ACAP2: variants seen among roughly 807,000 people sequenced by gnomAD.
ACAP2 encodes the protein arf-GAP with coiled-coil, ANK repeat and PH domain-containing protein 2.
In ACAP2, 39 loss-of-function variants were observed where a neutral mutation model predicts 115.8. That is an observed-to-expected ratio of 0.34 (90% CI 0.26 to 0.44). ACAP2 has a LOEUF of 0.44. Among genes scored for constraint, ACAP2 ranks in the 20% least tolerant of loss-of-function variants. The pLI, the probability that ACAP2 is intolerant of heterozygous loss-of-function variation, is 1.00. For missense variants in ACAP2, 662 were observed against 927.6 expected (o/e 0.71, Z 3.72); for synonymous variants, 289 against 315.8 (o/e 0.92, Z 0.90).
chr3:195,285,899 T>C (rs375935436), intron 21 of ACAP2, 42 bp from the exon 22 acceptor site: 9 of 1,396,030 alleles, frequency 6.4e-6, no homozygotes, highest in African/African-American at 1.5e-5. Context: ...CATTATATAA[T>C]ATAAATGTCA....
At chr3:195,324,139 G>C (rs1258716454) in intron 9 of ACAP2, among the ~76,000 whole-genome samples, 1 of 152,106 alleles carries the variant, frequency 6.6e-6, no homozygotes, top group Non-Finnish European at 1.5e-5. Context: ...GGGAAAATGA[G>C]ATAAAGACTA....
At chr3:195,407,574 G>T (rs1712893024) in intron 1 of ACAP2, among the ~76,000 whole-genome samples, 1 of 152,096 alleles carries the variant, frequency 6.6e-6, no homozygotes, top group African/African-American at 2.4e-5. Flanking sequence ...GGGCATGGTG[G>T]TGCATGCCTA....
chr3:195,331,665 A>C (rs1408541482), intron 8 of ACAP2, among the ~76,000 whole-genome samples: 1 of 152,118 alleles, frequency 6.6e-6, no homozygotes. Flanking sequence ...AAACTGAGAC[A>C]CCTTGAGAAA....
intron 4 of ACAP2, among the ~76,000 whole-genome samples, chr3:195,365,525 C>A (rs1310440937): frequency 6.6e-6 from 1 of 152,010 alleles, no homozygotes; most frequent in Non-Finnish European, 1.5e-5. Flanking sequence ...TATGATCATG[C>A]CCCTGCACTC....
intron 11 of ACAP2, among the ~76,000 whole-genome samples, chr3:195,307,571 A>AT (rs1728502891): frequency 6.6e-6 from 1 of 152,216 alleles, no homozygotes; most frequent in African/African-American, 2.4e-5. Context: ...CCAACACTTG[A>AT]TACTTAGTAG....
At chr3:195,349,577 A>T (rs1731407335) in intron 4 of ACAP2, 2 of 156,782 alleles carry the variant, frequency 1.3e-5, no homozygotes, top group Non-Finnish European at 2.8e-5. Context: ...CACAGTGATG[A>T]CTACAAAACA....
chr3:195,427,176 C>T (rs1029330400), intron 1 of ACAP2, among the ~76,000 whole-genome samples: 1 of 152,090 alleles, frequency 6.6e-6, no homozygotes, highest in Admixed American at 6.6e-5. Flanking sequence ...GGAATATGGG[C>T]AGCCCTTTGA....
intron 1 of ACAP2, among the ~76,000 whole-genome samples, chr3:195,406,035 G>A (rs1382867757): frequency 1.3e-5 from 2 of 152,146 alleles, no homozygotes; most frequent in African/African-American, 2.4e-5. Context: ...AATTTAACAT[G>A]AGATTTGGGC....
chr3:195,300,106 G>C lies in ACAP2; in HGVS notation c.1395+1469C>G, dbSNP rs967147895. ...CTGTTGCCCAGGCCGGAGTGCAGTG[G>C]TGCGATCTCGGCTCACTGCAACCTC... is the stretch of plus-strand genomic sequence containing the variant. On this transcript the variant is annotated intron_variant, in intron 15 of 22. Transcript: ENST00000326793. Among the ~76,000 whole-genome samples the C allele has an allele frequency of 8.0e-5, 12 of 149,520 alleles. No individual in the cohort carries two copies. The East Asian group carries it at 2.4e-3, about 30-fold the overall frequency.
intron 8 of ACAP2, among the ~76,000 whole-genome samples, chr3:195,330,130 G>A (rs554255730): frequency 2.0e-5 from 3 of 152,140 alleles, no homozygotes; most frequent in South Asian, 2.1e-4. Flanking sequence ...CTTGAGCTCC[G>A]CATATATCCA....
intron 8 of ACAP2, 96 bp from the exon 9 acceptor site, chr3:195,327,055 T>A (rs1729843062): frequency 8.7e-7 from 1 of 1,144,930 alleles, no homozygotes; most frequent in African/African-American, 1.6e-5. Flanking sequence ...AAATAAAAAA[T>A]CACTCAATTT....
chr3:195,310,930 T>C (rs551319826), intron 10 of ACAP2, among the ~76,000 whole-genome samples: 2 of 152,222 alleles, frequency 1.3e-5, no homozygotes, highest in South Asian at 2.1e-4. Context: ...ATACTAAGAT[T>C]TGTGTGTCTT....
At chr3:195,366,552 A>G (rs1380299527) in intron 4 of ACAP2, among the ~76,000 whole-genome samples, 2 of 152,230 alleles carry the variant, frequency 1.3e-5, no homozygotes. Flanking sequence ...CAGTCTTGTT[A>G]GAAATGGAGA....
chr3:195,315,754 C>CA (rs1729046419), intron 10 of ACAP2, among the ~76,000 whole-genome samples: 1 of 152,180 alleles, frequency 6.6e-6, no homozygotes, highest in African/African-American at 2.4e-5. Flanking sequence ...GCCTAATTTC[C>CA]AAAGGCATTG....
chr3:195,282,916 T>C (rs1726596781), intron 22 of ACAP2, among the ~76,000 whole-genome samples: 1 of 152,170 alleles, frequency 6.6e-6, no homozygotes, highest in Non-Finnish European at 1.5e-5. Context: ...ATTCAAGAGT[T>C]TGCTAATTTT....
chr3:195,419,305 C>G (rs559318683), intron 1 of ACAP2: 1 of 152,310 alleles, frequency 6.6e-6, no homozygotes, highest in African/African-American at 2.4e-5. Context: ...GGCCTATATG[C>G]AACATTTCAT....
intron 6 of ACAP2, among the ~76,000 whole-genome samples, chr3:195,338,007 G>A (rs1730627087): frequency 6.8e-6 from 1 of 146,906 alleles, no homozygotes; most frequent in African/African-American, 2.5e-5. Flanking sequence ...GCTGTTCTGT[G>A]CACACGCCAT....
At chr3:195,421,255 C>A (rs1714166968) in intron 1 of ACAP2, among the ~76,000 whole-genome samples, 1 of 152,182 alleles carries the variant, frequency 6.6e-6, no homozygotes, top group Non-Finnish European at 1.5e-5. Flanking sequence ...AGGTCTGGGG[C>A]AGAGTCCAAA....
intron 1 of ACAP2, among the ~76,000 whole-genome samples, chr3:195,399,420 G>A (rs1712076499): frequency 6.6e-6 from 1 of 152,120 alleles, no homozygotes; most frequent in Non-Finnish European, 1.5e-5. Context: ...CTGGCCTGAA[G>A]CAATCCTCCC....
Sources: gnomAD v4.1 joint callset for allele counts (sites outside exome capture counted in the v4.1 genomes callset) on GRCh38, gnomAD v4.1.1 for gene constraint, MANE v1.5 for transcripts, NCBI Gene and HGNC (gene_info 2026-07-23, HGNC 2026-07-21) for gene names.